MACROD2: variants seen among roughly 807,000 people sequenced by gnomAD.
The protein encoded by MACROD2 is ADP-ribose glycohydrolase MACROD2.
Under a neutral mutation model 70.4 loss-of-function variants are expected in MACROD2, and 36 were observed. That is an observed-to-expected ratio of 0.51 (90% confidence interval 0.39 to 0.68). MACROD2 has a LOEUF of 0.68. MACROD2 is among the 30% of genes least tolerant of loss of function. MACROD2 has a pLI of 0.00. For missense variants in MACROD2, 496 were observed against 538.4 expected (o/e 0.92, Z 0.78); for synonymous variants, 172 against 178.8 (o/e 0.96, Z 0.30).
intron 5 of MACROD2, among the ~76,000 whole-genome samples, chr20:15,090,559 T>A (rs561479795): frequency 6.6e-6 from 1 of 152,112 alleles, no homozygotes; most frequent in East Asian, 1.9e-4. Context: ...AACTATAATT[T>A]TAAGAATTAA....
chr20:15,720,817 G>A (rs1452973917), intron 8 of MACROD2, among the ~76,000 whole-genome samples: 2 of 152,144 alleles, frequency 1.3e-5, no homozygotes, highest in South Asian at 4.1e-4. Flanking sequence ...TAAAGCCATG[G>A]CTTCTGTTTT....
At chr20:15,695,784 TG>T (rs200065786) in intron 8 of MACROD2, among the ~76,000 whole-genome samples, 3,395 of 142,136 alleles carry the variant, frequency 0.024, 59 homozygotes, top group Middle Eastern at 0.042. Flanking sequence ...GGCATATTCC[TG>T]CGTATTTTTT....
At chr20:15,231,165 A>G (rs974763293) in intron 6 of MACROD2, among the ~76,000 whole-genome samples, 23 of 152,190 alleles carry the variant, frequency 1.5e-4, no homozygotes, top group Admixed American at 1.4e-3. Context: ...TTCATGACCT[A>G]ATTATATAGC....
At chr20:16,009,038 A>G (rs1047002653) in intron 15 of MACROD2, among the ~76,000 whole-genome samples, 6 of 152,180 alleles carry the variant, frequency 3.9e-5, no homozygotes, top group African/African-American at 1.2e-4. Context: ...AATTCCCTCC[A>G]GGCTTTGGTG....
At chr20:14,542,834 G>C (rs1056881925) in intron 4 of MACROD2, among the ~76,000 whole-genome samples, 8 of 152,106 alleles carry the variant, frequency 5.3e-5, no homozygotes, top group Non-Finnish European at 8.8e-5. Context: ...ATAGGATATA[G>C]GGTAAAATAA....
chr20:14,757,306 AT>A (rs1216622266), intron 5 of MACROD2, among the ~76,000 whole-genome samples: 1 of 152,182 alleles, frequency 6.6e-6, no homozygotes, highest in African/African-American at 2.4e-5. Context: ...AATCTTAATT[AT>A]TATATTTCAC....
rs6110387 is a variant in MACROD2, at chr20:14,683,009, A to G, written c.302-1834A>G. ...ATTCTCCTGCCTCAGCCTCCTGAGT[A>G]GCCAGGATTACAGGCATGCACCACC... On this transcript the variant is annotated intron_variant, in intron 4 of 17. Coordinates refer to ENST00000684519, the MANE Select transcript of MACROD2 (RefSeq NM_001351661.2). 1.3e-3 allele frequency among the ~76,000 whole-genome samples: 203 copies of G among 152,120 alleles called. 1 individual carries two copies. The highest frequency in any genetic ancestry group is 4.5e-3 in the African/African-American group (188 of 41,492).
chr20:14,037,010 T>G (rs1193955389), intron 2 of MACROD2, among the ~76,000 whole-genome samples: 1 of 152,238 alleles, frequency 6.6e-6, no homozygotes, highest in East Asian at 1.9e-4. Flanking sequence ...TGGTCTCTGT[T>G]TTTCCTCCTT....
At chr20:15,529,271 C>CGTGT (rs140068832) in intron 8 of MACROD2, among the ~76,000 whole-genome samples, 1 of 149,430 alleles carries the variant, frequency 6.7e-6, no homozygotes, top group Non-Finnish European at 1.5e-5. Context: ...CTGTGGGATG[C>CGTGT]GTGTGTGTGT....
intron 8 of MACROD2, among the ~76,000 whole-genome samples, chr20:15,617,127 T>C (rs950211706): frequency 7.9e-5 from 12 of 152,238 alleles, no homozygotes; most frequent in African/African-American, 2.9e-4. Context: ...TTTTGTTTTT[T>C]TCAAGTTACC....
intron 3 of MACROD2, among the ~76,000 whole-genome samples, chr20:14,245,382 T>G (rs1466553778): frequency 6.7e-6 from 1 of 149,890 alleles, no homozygotes; most frequent in Non-Finnish European, 1.5e-5. Flanking sequence ...AAAAAAAAAT[T>G]CGTATGCTTT....
intron 3 of MACROD2, among the ~76,000 whole-genome samples, chr20:14,274,120 A>G (rs546282182): frequency 6.6e-6 from 1 of 152,226 alleles, no homozygotes; most frequent in Admixed American, 6.5e-5. Flanking sequence ...ATAGAAGAAG[A>G]GGGAATCCTC....
At chr20:15,139,503 C>T (rs1015928367) in intron 5 of MACROD2, among the ~76,000 whole-genome samples, 2 of 152,064 alleles carry the variant, frequency 1.3e-5, no homozygotes, top group African/African-American at 2.4e-5. Flanking sequence ...TGCTTTATTG[C>T]CGTCAACATA....
intron 4 of MACROD2, among the ~76,000 whole-genome samples, chr20:14,609,650 TA>T (rs1204061274): frequency 6.6e-6 from 1 of 152,126 alleles, no homozygotes; most frequent in African/African-American, 2.4e-5. Flanking sequence ...CCTGCAAAAA[TA>T]CTTATGTGTA....
chr20:15,325,904 A>G (rs2077923791), intron 6 of MACROD2, among the ~76,000 whole-genome samples: 1 of 152,130 alleles, frequency 6.6e-6, no homozygotes, highest in East Asian at 1.9e-4. Flanking sequence ...GTTTCCTCTT[A>G]GTAATCGTAG....
intron 8 of MACROD2, among the ~76,000 whole-genome samples, chr20:15,852,736 A>G (rs2064313864): frequency 6.6e-6 from 1 of 152,238 alleles, no homozygotes; most frequent in South Asian, 2.1e-4. Flanking sequence ...ATGACCAGAC[A>G]AAAACAGAGC....
chr20:14,776,516 T>A (rs2123778912), intron 5 of MACROD2, among the ~76,000 whole-genome samples: 1 of 152,180 alleles, frequency 6.6e-6, no homozygotes, highest in South Asian at 2.1e-4. Flanking sequence ...TCTAGCCACA[T>A]ATGGCAGAGA....
rs538491509 is a variant in MACROD2, at chr20:15,848,194, ACTCT to A, written c.646-14540_646-14537del. ...ATATGTTGAAACATCTGTATCAATC[ACTCT>A]CTCTCTCTCTTTCTCTCTCTCTCCC... On this transcript the variant is annotated intron_variant, in intron 8 of 17. Transcript: ENST00000684519. 8.1e-4 allele frequency among the ~76,000 whole-genome samples: 123 copies of A among 151,634 alleles called. 1 individual carries two copies. Among genetic ancestry groups the A allele is most frequent in the African/African-American group, 2.8e-3 (116 of 41,358 alleles).
rs138285654 is a variant in MACROD2 at position 15,531,845 on chromosome 20, C to T, written c.645+31998C>T. Among the ~76,000 whole-genome samples, 8 of 152,138 alleles carry T rather than the reference C, an allele frequency of 5.3e-5. No individual in the cohort carries two copies. In the East Asian group the frequency reaches 1.5e-3, roughly 29 times the overall value. On this transcript the variant is annotated intron_variant, in intron 8 of 17. Transcript: ENST00000684519. The stretch of plus-strand genomic sequence containing the variant: ...TGAATATTGGTTACATACCAAAGAT[C>T]GAATAATTGCATTCTATAATAGGGA...
Sources: allele counts gnomAD v4.1 joint callset (sites outside exome capture counted in the v4.1 genomes callset), GRCh38; gene constraint gnomAD v4.1.1; transcripts MANE v1.5; gene names NCBI Gene and HGNC (gene_info 2026-07-23, HGNC 2026-07-21).